Variants in PCDH7 observed in about 807,000 individuals in gnomAD.
PCDH7 encodes the protein protocadherin 7.
In PCDH7, 17 loss-of-function variants were observed where a neutral mutation model predicts 58.9. That is an observed-to-expected ratio of 0.29 (90% confidence interval 0.20 to 0.43). The LOEUF (loss-of-function observed/expected upper bound fraction) is 0.43, where lower values mean the gene tolerates loss of function less well. Among genes scored for constraint, PCDH7 ranks in the 20% least tolerant of loss-of-function variants. PCDH7 has a pLI of 1.00. For missense variants in PCDH7, 1,274 were observed against 1,441.0 expected, an observed-to-expected ratio of 0.88 and a Z score of 1.88; for synonymous variants, 664 against 616.4, an observed-to-expected ratio of 1.08 and a Z score of -1.14.
chr4:31,016,371 A>G (rs1206280279), intron 3 of PCDH7, among the ~76,000 whole-genome samples: 2 of 151,904 alleles, frequency 1.3e-5, no homozygotes, highest in Non-Finnish European at 1.5e-5. Flanking sequence ...TGAGCTTGCT[A>G]AGCAAGTAAC....
chr4:31,092,408 A>G (rs1210408378), intron 3 of PCDH7, among the ~76,000 whole-genome samples: 1 of 152,024 alleles, frequency 6.6e-6, no homozygotes, highest in Non-Finnish European at 1.5e-5. Flanking sequence ...TTTATTCTCC[A>G]GAGAGAATGG....
intron 1 of PCDH7, among the ~76,000 whole-genome samples, chr4:30,767,523 C>A (rs1331008777): frequency 6.6e-6 from 1 of 152,090 alleles, no homozygotes; most frequent in Non-Finnish European, 1.5e-5. Flanking sequence ...GTTTTGCTAG[C>A]AGAAGTTCAA....
chr4:31,110,443 T>C (rs1340787889), intron 3 of PCDH7, among the ~76,000 whole-genome samples: 2 of 152,200 alleles, frequency 1.3e-5, no homozygotes, highest in South Asian at 2.1e-4. Context: ...TGTTCACTTA[T>C]GGAAACTAGG....
At chr4:30,786,896 C>A (rs1459848707) in intron 1 of PCDH7, 2 of 241,254 alleles carry the variant, frequency 8.3e-6, no homozygotes, top group Non-Finnish European at 1.3e-5. Flanking sequence ...GGGGCAGGAT[C>A]ACTAACTGAT....
At chr4:31,016,610 T>C (rs934847635) in intron 3 of PCDH7, among the ~76,000 whole-genome samples, 2 of 152,112 alleles carry the variant, frequency 1.3e-5, no homozygotes, top group Non-Finnish European at 2.9e-5. Context: ...AGCAATGTTA[T>C]AGTAAGATGG....
chr4:31,049,368 G>A (rs1271459625), intron 3 of PCDH7, among the ~76,000 whole-genome samples: 1 of 152,100 alleles, frequency 6.6e-6, no homozygotes, highest in Non-Finnish European at 1.5e-5. Flanking sequence ...ATTAGGGTGT[G>A]ATTTACAAGT....
chr4:30,746,463 A>C (rs956581440), intron 1 of PCDH7, among the ~76,000 whole-genome samples: 1 of 152,202 alleles, frequency 6.6e-6, no homozygotes, highest in East Asian at 1.9e-4. Flanking sequence ...AATTCGCCTT[A>C]GTTACAGTCC....
intron 3 of PCDH7, among the ~76,000 whole-genome samples, chr4:31,029,703 G>A (rs1300923109): frequency 6.6e-5 from 10 of 152,148 alleles, no homozygotes; most frequent in Admixed American, 6.5e-4. Flanking sequence ...TCTAATAAGT[G>A]AGTAGAATAC....
At chr4:30,777,759 T>C (rs1159730163) in intron 1 of PCDH7, among the ~76,000 whole-genome samples, 1 of 152,176 alleles carries the variant, frequency 6.6e-6, no homozygotes, top group Non-Finnish European at 1.5e-5. Flanking sequence ...TAATTCTATG[T>C]TCACTTGTGT....
At chr4:31,061,779 T>C (rs576525914) in intron 3 of PCDH7, among the ~76,000 whole-genome samples, 3 of 151,870 alleles carry the variant, frequency 2.0e-5, no homozygotes, top group African/African-American at 7.2e-5. Context: ...AAATTTTTAC[T>C]GATTTTCATT....
At chr4:30,734,012 AC>A (rs1221809741), downstream of PCDH7, among the ~76,000 whole-genome samples, 1 of 151,944 alleles carries the variant, frequency 6.6e-6, no homozygotes, top group African/African-American at 2.4e-5. Flanking sequence ...AAAAAACAAA[AC>A]CCTCAAGAAT....
At chr4:30,756,726 T>A (rs1386017559) in intron 1 of PCDH7, among the ~76,000 whole-genome samples, 4 of 152,222 alleles carry the variant, frequency 2.6e-5, no homozygotes, top group Non-Finnish European at 1.5e-5. Flanking sequence ...TCAGTCTCTC[T>A]CCCCATTAGT....
Position 31,097,631 on chromosome 4 carries a change from T to TAA in PCDH7, c.*8-44841_*8-44840insAA, listed in dbSNP as rs1714296070. Among the ~76,000 whole-genome samples the TAA allele has an allele frequency of 7.4e-5, 3 of 40,662 alleles. No homozygotes were observed. In the African/African-American group the frequency reaches 7.4e-4, roughly 10 times the overall value. 26.7% of individuals were successfully genotyped at this position (40,662 alleles called of 152,430 possible). ...ATATATATATATATATATATATATA[T>TAA]ATATATAAATCTTTTTTCTGTAATT... On this transcript the variant is annotated intron_variant, in intron 3 of 3. Coordinates refer to the PCDH7 transcript ENST00000509759.
intron 3 of PCDH7, among the ~76,000 whole-genome samples, chr4:30,991,811 G>A (rs1465061969): frequency 6.6e-6 from 1 of 151,950 alleles, no homozygotes; most frequent in African/African-American, 2.4e-5. Flanking sequence ...TACATAAAAT[G>A]TATATATTTA....
chr4:30,796,907 A>G (rs202133039), intron 1 of PCDH7, among the ~76,000 whole-genome samples: 1 of 151,026 alleles, frequency 6.6e-6, no homozygotes, highest in Non-Finnish European at 1.5e-5. Flanking sequence ...AGTAAATCCT[A>G]CCTGCCGTTT....
chr4:30,952,367 T>A (rs1747443977), intron 3 of PCDH7, among the ~76,000 whole-genome samples: 1 of 150,662 alleles, frequency 6.6e-6, no homozygotes, highest in Admixed American at 6.6e-5. Context: ...TATAGGAAAA[T>A]AAAGAGGCTA....
chr4:30,776,166 A>G (rs914408484), intron 1 of PCDH7: 2 of 152,208 alleles, frequency 1.3e-5, no homozygotes, highest in Non-Finnish European at 2.9e-5. Context: ...ATGGAAAACT[A>G]TACTGAACTA....
At chr4:30,904,480 G>C (rs1164556780) in intron 1 of PCDH7, among the ~76,000 whole-genome samples, 1 of 152,062 alleles carries the variant, frequency 6.6e-6, no homozygotes, top group Admixed American at 6.6e-5. Context: ...TGATTCAATA[G>C]ACAATTTACC....
intron 3 of PCDH7, among the ~76,000 whole-genome samples, chr4:31,102,535 C>T (rs1715027616): frequency 6.6e-6 from 1 of 151,990 alleles, no homozygotes; most frequent in Non-Finnish European, 1.5e-5. Flanking sequence ...CCAGCCTGGC[C>T]AACATGGCGA....
Sources: allele counts gnomAD v4.1 joint callset (sites outside exome capture counted in the v4.1 genomes callset), GRCh38; gene constraint gnomAD v4.1.1; transcripts MANE v1.5; gene names NCBI Gene and HGNC (gene_info 2026-07-23, HGNC 2026-07-21).